Variants in HEPH observed in about 807,000 individuals in gnomAD.
HEPH encodes the protein hephaestin.
Under a neutral mutation model 80.8 loss-of-function variants are expected in HEPH, and 69 were observed. The observed-to-expected ratio is 0.85, with a 90% CI of 0.70 to 1.04. HEPH has a LOEUF of 1.04. Ranked by LOEUF, HEPH falls within the 50% of genes least tolerant of loss-of-function variation. HEPH has a pLI of 0.00. For synonymous variants in HEPH, 431 were observed against 322.8 expected (o/e 1.34, Z -3.60); for missense variants, 1,115 against 891.3 (o/e 1.25, Z -3.20).
chrX:66,188,544 G>C lies in HEPH; in HGVS notation c.808+3G>C, dbSNP rs375608204. The C allele has an allele frequency of 5.0e-6, 6 of 1,200,659 alleles. No individual in the cohort carries two copies. The African/African-American group carries it at 1.1e-4, about 21-fold the overall frequency. ...TCAGGAGAGCAATAGGATGCATGGT[G>C]AGTTGGGAAAAGGTGGCCACATTGT... On this transcript the variant is annotated splice_donor_region_variant and intron_variant, in intron 5 of 20. Transcript: ENST00000343002.
chrX:66,244,430 C>A (rs1490432104), intron 15 of HEPH, among the ~76,000 whole-genome samples: 1 of 111,809 alleles, frequency 8.9e-6, no homozygotes, highest in Non-Finnish European at 1.9e-5. Flanking sequence ...GTTCTTTCCT[C>A]AGCTTGGTTG....
At position 66,232,055 on chromosome X, in the gene HEPH, G is replaced by A. The variant is rs1372723605; in HGVS notation, c.2564-22980G>A. ...GATAATCATGTGGTTTTTGTCTTTG[G>A]CTCTGTTTATATGCTGGATTACATT... On this transcript the variant is annotated intron_variant, in intron 15 of 20. Coordinates refer to ENST00000343002, the MANE Select transcript of HEPH (RefSeq NM_001367233.3). Among the ~76,000 whole-genome samples the A allele has an allele frequency of 3.7e-5, 4 of 108,468 alleles. No individual in the cohort carries two copies. The East Asian group carries it at 1.2e-3, about 31-fold the overall frequency. The allele number at this position is 108,468 out of a possible 115,157, so 94.2% of individuals were successfully genotyped here. A position where few individuals can be genotyped will look rare whatever the true frequency, so the allele number is the denominator to read the frequency against.
intron 4 of HEPH, among the ~76,000 whole-genome samples, chrX:66,186,658 T>C (rs2087466417): frequency 9.0e-6 from 1 of 111,607 alleles, no homozygotes; most frequent in Admixed American, 9.4e-5. Flanking sequence ...AAATCACCCG[T>C]CTTCTGCGTC....
At chrX:66,221,585 AAGCT>A (rs1187524791) in intron 15 of HEPH, among the ~76,000 whole-genome samples, 1 of 112,539 alleles carries the variant, frequency 8.9e-6, no homozygotes, top group African/African-American at 3.2e-5. Flanking sequence ...GTTGTTTTGA[AAGCT>A]AGGCCACTGG....
At chrX:66,170,851 G>T in intron 2 of HEPH, 114 bp downstream of exon 2, 1 of 616,776 alleles carries the variant, frequency 1.6e-6, no homozygotes, top group Non-Finnish European at 2.6e-6. Flanking sequence ...GCTCCTGATT[G>T]CTCCGAGCTG....
chrX:66,167,042 C>G (rs989641773), intron 1 of HEPH, among the ~76,000 whole-genome samples: 16 of 111,728 alleles, frequency 1.4e-4, no homozygotes, highest in Non-Finnish European at 5.6e-5. Context: ...TTAATCCCCA[C>G]AAAACTCTAT....
chrX:66,262,835 G>C (rs961668300), intron 19 of HEPH, among the ~76,000 whole-genome samples: 5 of 111,672 alleles, frequency 4.5e-5, no homozygotes, highest in African/African-American at 1.6e-4. Flanking sequence ...TTGAAATAAA[G>C]TGTATTAGAG....
intron 8 of HEPH, among the ~76,000 whole-genome samples, chrX:66,194,618 C>A (rs902241312): frequency 9.0e-6 from 1 of 111,534 alleles, no homozygotes; most frequent in Non-Finnish European, 1.9e-5. Context: ...ATTCTCTTTG[C>A]TCAGAATTGG....
chrX:66,231,098 G>A lies in HEPH; in HGVS notation c.2563+22852G>A, dbSNP rs1309197132. On this transcript the variant is annotated intron_variant, in intron 15 of 20. Transcript: ENST00000343002. Reference sequence around the variant, plus strand: ...GATCAGATAGTTGTAGGTATGCGGCGTCATTTCTGAGGGCTCTGTTCTGTT... The same window carrying A: ...GATCAGATAGTTGTAGGTATGCGGCATCATTTCTGAGGGCTCTGTTCTGTT... Among the ~76,000 whole-genome samples, 33 of 109,465 alleles carry A rather than the reference G, an allele frequency of 3.0e-4. 1 individual carries two copies. Among genetic ancestry groups the A allele is most frequent in the Non-Finnish European group, 4.4e-4 (23 of 52,534 alleles).
intron 15 of HEPH, among the ~76,000 whole-genome samples, chrX:66,252,129 A>G (rs925981000): frequency 8.9e-6 from 1 of 111,765 alleles, no homozygotes; most frequent in East Asian, 2.8e-4. Context: ...CAGAATTTTG[A>G]TGATGGATAT....
At chrX:66,240,093 G>A (rs754003788) in intron 15 of HEPH, among the ~76,000 whole-genome samples, 2 of 111,996 alleles carry the variant, frequency 1.8e-5, no homozygotes, top group Non-Finnish European at 3.8e-5. Flanking sequence ...AATGTTAAAG[G>A]CTCTAATAGA....
downstream of HEPH, chrX:66,268,809 C>T (rs774105342): frequency 8.0e-5 from 9 of 111,887 alleles, no homozygotes; most frequent in Non-Finnish European, 1.7e-4. Context: ...TTTTGACAAT[C>T]AAGTGACATT....
chrX:66,164,789 G>A (rs2086288699), intron 1 of HEPH, among the ~76,000 whole-genome samples: 1 of 112,041 alleles, frequency 8.9e-6, no homozygotes, highest in Admixed American at 9.5e-5. Context: ...TTGAGGTGAT[G>A]GATCTGAGGA....
At chrX:66,205,537 A>C (rs753603931) in intron 13 of HEPH, among the ~76,000 whole-genome samples, 1 of 111,352 alleles carries the variant, frequency 9.0e-6, no homozygotes, top group East Asian at 2.8e-4. Flanking sequence ...TGCTATTGTG[A>C]ATAGTGCTGT....
chrX:66,256,040 C>T (rs890800323), intron 16 of HEPH, 65 bp from the exon 17 acceptor site: 12 of 852,223 alleles, frequency 1.4e-5, no homozygotes, highest in East Asian at 1.3e-4. Context: ...TGGCTCCCTG[C>T]GGAGTACTGC....
intron 15 of HEPH, among the ~76,000 whole-genome samples, chrX:66,248,485 A>G (rs1279588342): frequency 3.6e-5 from 4 of 111,703 alleles, no homozygotes; most frequent in African/African-American, 1.3e-4. Flanking sequence ...AAAGGCCCCA[A>G]AGTGGTAGAG....
intron 15 of HEPH, among the ~76,000 whole-genome samples, chrX:66,223,402 C>A (rs538968848): frequency 1.8e-5 from 2 of 111,306 alleles, no homozygotes; most frequent in Non-Finnish European, 3.8e-5. Flanking sequence ...AATAATGCTT[C>A]TTGTATGATT....
intron 17 of HEPH, 60 bp downstream of exon 17, chrX:66,256,390 TTTAA>T: frequency 1.2e-6 from 1 of 835,663 alleles, no homozygotes; most frequent in Non-Finnish European, 1.7e-6. Flanking sequence ...CATGGGGATA[TTTAA>T]TAGGCCTATT....
chrX:66,184,592 G>T (rs1267422891), intron 4 of HEPH, among the ~76,000 whole-genome samples: 3 of 34,263 alleles, frequency 8.8e-5, no homozygotes, highest in Admixed American at 7.1e-4. Flanking sequence ...GAGCCTATGT[G>T]TGTCTCTGCA....
Sources: gnomAD v4.1 joint callset for allele counts (sites outside exome capture counted in the v4.1 genomes callset) on GRCh38, gnomAD v4.1.1 for gene constraint, MANE v1.5 for transcripts, NCBI Gene and HGNC (gene_info 2026-07-23, HGNC 2026-07-21) for gene names.